Variants in PARD3B observed in about 807,000 individuals in gnomAD.
The protein encoded by PARD3B is partitioning defective 3 homolog B.
In PARD3B, 103 loss-of-function variants were observed where a neutral mutation model predicts 130.2. The ratio of observed to expected loss-of-function variants is 0.79; its 90% CI spans 0.67 to 0.93. The LOEUF (loss-of-function observed/expected upper bound fraction) is 0.93, where lower values mean the gene tolerates loss of function less well. PARD3B is among the 40% of genes least tolerant of loss of function. The pLI is 0.00. For synonymous variants in PARD3B, 583 were observed against 553.2 expected, an observed-to-expected ratio of 1.05 and a Z score of -0.76; for missense variants, 1,609 against 1,499.2, an observed-to-expected ratio of 1.07 and a Z score of -1.21.
intron 1 of PARD3B, among the ~76,000 whole-genome samples, chr2:204,666,234 AT>A (rs527837900): frequency 3.9e-5 from 6 of 152,346 alleles, no homozygotes; most frequent in Admixed American, 3.9e-4. Flanking sequence ...TGTAATCAAA[AT>A]GTGAACAAGG....
intron 2 of PARD3B, among the ~76,000 whole-genome samples, chr2:204,757,753 A>G (rs1169624161): frequency 6.6e-6 from 1 of 152,118 alleles, no homozygotes; most frequent in Non-Finnish European, 1.5e-5. Context: ...AAGATTGGTG[A>G]CTGTATGCTG....
rs1372152802 is a variant in PARD3B at position 204,753,047 on chromosome 2, C to T, written c.222+66765C>T. Among the ~76,000 whole-genome samples the T allele has an allele frequency of 3.9e-5, 6 of 152,188 alleles. No individual in the cohort carries two copies. The East Asian group carries it at 5.8e-4, about 15-fold the overall frequency. ...TTAAATTTTGGGTAAGTTTAGGTAA[C>T]GCCAAAAGTCCTATTCGGTATTTTA... On this transcript the variant is annotated intron_variant, in intron 2 of 22. Coordinates refer to ENST00000406610, the MANE Select transcript of PARD3B (RefSeq NM_001302769.2).
chr2:204,986,933 G>T (rs1384230939), intron 3 of PARD3B, among the ~76,000 whole-genome samples: 1 of 152,076 alleles, frequency 6.6e-6, no homozygotes, highest in Non-Finnish European at 1.5e-5. Context: ...TTCTTTTTGA[G>T]GTATTTTTCA....
At chr2:204,635,084 T>G (rs1458022977) in intron 1 of PARD3B, among the ~76,000 whole-genome samples, 1 of 152,146 alleles carries the variant, frequency 6.6e-6, no homozygotes, top group Non-Finnish European at 1.5e-5. Context: ...ATATACCATA[T>G]TTTGGGGGCT....
At chr2:204,847,640 C>T (rs1378362168) in intron 2 of PARD3B, among the ~76,000 whole-genome samples, 1 of 152,136 alleles carries the variant, frequency 6.6e-6, no homozygotes, top group Non-Finnish European at 1.5e-5. Flanking sequence ...CTGTAGGCTA[C>T]CATCCATTCC....
chr2:205,418,324 T>A (rs557759004), intron 19 of PARD3B, among the ~76,000 whole-genome samples: 1 of 152,290 alleles, frequency 6.6e-6, no homozygotes, highest in South Asian at 2.1e-4. Context: ...GCCTGAACTC[T>A]TCAATAATTC....
intron 2 of PARD3B, among the ~76,000 whole-genome samples, chr2:204,900,396 G>A (rs1169984470): frequency 1.3e-5 from 2 of 151,914 alleles, no homozygotes; most frequent in African/African-American, 2.4e-5. Context: ...TCTGCTCTTA[G>A]GAGACACCGA....
At chr2:205,039,690 G>A (rs577633735) in intron 3 of PARD3B, among the ~76,000 whole-genome samples, 5 of 152,122 alleles carry the variant, frequency 3.3e-5, no homozygotes, top group South Asian at 2.1e-4. Flanking sequence ...GGCTGGTCTC[G>A]AACTCCTGAC....
chr2:204,939,906 T>C (rs1688772902), intron 2 of PARD3B, among the ~76,000 whole-genome samples: 1 of 152,216 alleles, frequency 6.6e-6, no homozygotes, highest in African/African-American at 2.4e-5. Context: ...CCAAATGTAC[T>C]TAAATTACCA....
At chr2:205,480,236 A>C (rs1170703396) in intron 20 of PARD3B, among the ~76,000 whole-genome samples, 1 of 152,122 alleles carries the variant, frequency 6.6e-6, no homozygotes, top group Non-Finnish European at 1.5e-5. Flanking sequence ...TTAATTGATT[A>C]CACTCATTCC....
At chr2:204,762,116 A>ATTTTTTTTTTT (rs968166780) in intron 2 of PARD3B, among the ~76,000 whole-genome samples, 7 of 95,378 alleles carry the variant, frequency 7.3e-5, no homozygotes, top group Non-Finnish European at 1.2e-4. Flanking sequence ...TTCTTTTTCT[A>ATTTTTTTTTTT]TTTTTTTTTT....
chr2:204,893,968 A>T (rs1253602931), intron 2 of PARD3B, among the ~76,000 whole-genome samples: 2 of 152,146 alleles, frequency 1.3e-5, no homozygotes, highest in Non-Finnish European at 2.9e-5. Flanking sequence ...CATTTATGTG[A>T]TTACATAAGT....
chr2:205,430,099 C>T (rs2047278174), intron 19 of PARD3B, among the ~76,000 whole-genome samples: 1 of 152,170 alleles, frequency 6.6e-6, no homozygotes, highest in Non-Finnish European at 1.5e-5. Context: ...GTACAGAGAC[C>T]TGTATCCAAA....
rs138390138 is a variant in PARD3B, at chr2:204,750,595, C to CACATACATACAT, written c.222+64341_222+64352dup. Among the ~76,000 whole-genome samples the CACATACATACAT allele has an allele frequency of 5.3e-4, 79 of 149,668 alleles. No individual in the cohort carries two copies. In the East Asian group the frequency reaches 0.013, roughly 24 times the overall value. On this transcript the variant is annotated intron_variant, in intron 2 of 22. Coordinates refer to ENST00000406610, the MANE Select transcript of PARD3B (RefSeq NM_001302769.2). ...AGTGAAACGCTGTTTCAAAAATACACACATACATACATACATACATACATA... is the reference window on the plus strand; with the variant it reads ...AGTGAAACGCTGTTTCAAAAATACACACATACATACATACATACATACATACATACATACATA...
Position 205,591,809 on chromosome 2 carries a change from T to A in PARD3B, c.3261-23647T>A, listed in dbSNP as rs1404420747. On this transcript the variant is annotated intron_variant, in intron 22 of 22. Coordinates refer to ENST00000406610, the MANE Select transcript of PARD3B (RefSeq NM_001302769.2). This position sits in a 1 kb window ranked among gnomAD's most constrained non-coding sequence, Gnocchi z 4.2. The stretch of plus-strand genomic sequence containing the variant: ...CAGGTCACTGAAGAAAAGGAAGCTG[T>A]CCGGTTTGGATAAAAATTCAATGTC... Among the ~76,000 whole-genome samples the A allele has an allele frequency of 6.6e-6, 1 of 152,120 alleles. No homozygotes were observed. Among genetic ancestry groups the A allele is most frequent in the African/African-American group, 2.4e-5 (1 of 41,414 alleles).
Position 204,907,419 on chromosome 2 carries a change from A to G in PARD3B, c.223-57733A>G. Among the ~76,000 whole-genome samples the G allele has an allele frequency of 6.6e-6, 1 of 152,158 alleles. No homozygotes were observed. Among genetic ancestry groups the G allele is most frequent in the East Asian group, 1.9e-4 (1 of 5,194 alleles). On this transcript the variant is annotated intron_variant, in intron 2 of 22. Transcript: ENST00000406610. This position sits in a 1 kb window ranked among gnomAD's most constrained non-coding sequence, Gnocchi z 5.7. ...ACATTTCTATTTGAATGTAAATTAT[A>G]TTATGTGATAAAATTCCTCTGGAGG...
chr2:205,240,623 C>T (rs983415811), intron 15 of PARD3B, among the ~76,000 whole-genome samples: 1 of 152,114 alleles, frequency 6.6e-6, no homozygotes, highest in Non-Finnish European at 1.5e-5. Context: ...CAATTTTTAT[C>T]TGAAGAGACT....
intron 20 of PARD3B, among the ~76,000 whole-genome samples, chr2:205,488,585 T>G (rs2049539987): frequency 1.3e-5 from 2 of 152,184 alleles, no homozygotes; most frequent in Non-Finnish European, 2.9e-5. Context: ...CTGCATTAGA[T>G]GGCTCTTCCC....
intron 3 of PARD3B, among the ~76,000 whole-genome samples, chr2:205,043,326 TG>T (rs2125401678): frequency 6.6e-6 from 1 of 152,268 alleles, no homozygotes; most frequent in East Asian, 1.9e-4. Flanking sequence ...GAGGGAGTCC[TG>T]TATGAAAATT....
Sources: allele counts gnomAD v4.1 joint callset (sites outside exome capture counted in the v4.1 genomes callset), GRCh38; gene constraint gnomAD v4.1.1; non-coding constraint Gnocchi (gnomAD v3.1); transcripts MANE v1.5; gene names NCBI Gene and HGNC (gene_info 2026-07-23, HGNC 2026-07-21).